Variants in KIF2C observed in about 807,000 individuals in gnomAD.
KIF2C encodes kinesin family member 2C.
In KIF2C, 34 loss-of-function variants were observed where a neutral mutation model predicts 97.4. The ratio of observed to expected loss-of-function variants is 0.35; its 90% CI spans 0.27 to 0.46. The LOEUF (loss-of-function observed/expected upper bound fraction) is 0.46. Ranked by LOEUF, KIF2C falls within the 20% of genes least tolerant of loss-of-function variation. The pLI is 1.00. For synonymous variants in KIF2C, 313 were observed against 318.2 expected (o/e 0.98, Z 0.17); for missense variants, 750 against 907.6 (o/e 0.83, Z 2.23).
intron 17 of KIF2C, 72 bp from the exon 18 acceptor site, chr1:44,762,274 T>TG (rs1396926930): frequency 7.3e-7 from 1 of 1,366,400 alleles, no homozygotes; most frequent in Admixed American, 1.7e-5. Context: ...CCTCGAAGCC[T>TG]GGGCGGTGCC....
In KIF2C at chr1:44,756,241, A is replaced by C. The variant is rs1169362942; in HGVS notation, c.977+4A>C. ...CTTCGAATGAAGTTGTCTACAGGTT[A>C]GTCCCTTGCATCCATTTTTCCCTCC... On this transcript the variant is annotated splice_donor_region_variant and intron_variant, in intron 10 of 20. Transcript: ENST00000372224. The C allele has an allele frequency of 1.2e-6, 2 of 1,613,238 alleles. No individual in the cohort carries two copies. The highest frequency in any genetic ancestry group is 1.7e-6 in the Non-Finnish European group (2 of 1,179,196).
Position 44,740,017 on chromosome 1 carries a change from C to T in KIF2C, c.70+15C>T. 1 of 1,614,120 alleles carries T rather than the reference C, an allele frequency of 6.2e-7. No individual in the cohort carries two copies. Among genetic ancestry groups the T allele is most frequent in the Middle Eastern group, 1.6e-4 (1 of 6,062 alleles). On this transcript the variant is annotated intron_variant, in intron 1 of 20. Coordinates refer to ENST00000372224, the MANE Select transcript of KIF2C (RefSeq NM_006845.4). ...ACGCAGTAATGGTGAGGAGCGGGGT[C>T]CCTAGGTCAAGGGGACTCGTGAGCG...
At chr1:44,743,693 A>G (rs942505403) in intron 2 of KIF2C, among the ~76,000 whole-genome samples, 1 of 152,110 alleles carries the variant, frequency 6.6e-6, no homozygotes, top group Admixed American at 6.5e-5. Flanking sequence ...TCCAGAGGCT[A>G]AGGCAGGAGG....
At position 44,747,376 on chromosome 1, in the gene KIF2C, C is replaced by G. The variant is rs754393950; in HGVS notation, c.166-8C>G. 5 of 1,598,920 alleles carry G rather than the reference C, an allele frequency of 3.1e-6. No homozygotes were observed. In the South Asian group the frequency reaches 4.5e-5, roughly 14 times the overall value. ...TGTTTCATTGAAACTTTTACTTGCT[C>G]CTTGCAGATTGATTTTGATGATGTG... On this transcript the variant is annotated splice_region_variant and splice_polypyrimidine_tract_variant and intron_variant, in intron 2 of 20. Transcript: ENST00000372224.
chr1:44,747,816 T>G (rs1470210706), intron 4 of KIF2C, 116 bp downstream of exon 4: 1 of 819,028 alleles, frequency 1.2e-6, no homozygotes. Flanking sequence ...GGTTGAGTCC[T>G]GCCTGTGTTC....
intron 19 of KIF2C, 104 bp from the exon 20 acceptor site, chr1:44,766,722 A>C: frequency 7.8e-7 from 1 of 1,274,416 alleles, no homozygotes; most frequent in Non-Finnish European, 1.1e-6. Flanking sequence ...GTCAGGGACC[A>C]GAGGTAAAGC....
At position 44,740,910 on chromosome 1, in the gene KIF2C, T is replaced by C. The variant is rs770274652; in HGVS notation, c.71-3T>C. The C allele has an allele frequency of 1.1e-5, 17 of 1,607,850 alleles. No homozygotes were observed. The Middle Eastern group carries it at 1.2e-3, about 109-fold the overall frequency. ...GTAACTCTGGTTTTTTCATACTTTATAGGTTTAATTCACAGTGCCAATGTA... is the reference window on the plus strand; with the variant it reads ...GTAACTCTGGTTTTTTCATACTTTACAGGTTTAATTCACAGTGCCAATGTA... On this transcript the variant is annotated splice_polypyrimidine_tract_variant and splice_region_variant and intron_variant, in intron 1 of 20. Transcript: ENST00000372224.
At chr1:44,763,704 G>A (rs893344551) in intron 19 of KIF2C, among the ~76,000 whole-genome samples, 1 of 152,086 alleles carries the variant, frequency 6.6e-6, no homozygotes. Context: ...AAAAGCAAAG[G>A]TAGAGGCAGT....
intron 13 of KIF2C, among the ~76,000 whole-genome samples, chr1:44,758,806 G>GC (rs1649981874): frequency 6.6e-6 from 1 of 152,126 alleles, no homozygotes. Flanking sequence ...AATCCAGGAG[G>GC]CAGAGGTTGC....
intron 19 of KIF2C, among the ~76,000 whole-genome samples, chr1:44,765,457 A>C (rs1319418658): frequency 1.4e-5 from 2 of 143,448 alleles, no homozygotes; most frequent in Non-Finnish European, 3.0e-5. Flanking sequence ...TTAAAGTATA[A>C]TAATAAAAAA....
chr1:44,750,565 G>T lies in KIF2C; in HGVS notation c.439+1G>T, dbSNP rs1445956653. The T allele has an allele frequency of 1.3e-6, 2 of 1,539,926 alleles. No homozygotes were observed. The highest frequency in any genetic ancestry group is 2.4e-5 in the East Asian group (1 of 41,842). On this transcript the variant is annotated splice_donor_variant, in intron 5 of 20. Transcript: ENST00000372224. LOFTEE classifies it high-confidence loss of function. ...TCCCGCAAGCAGTTTTCAGTTCCTC[G>T]TGAGTAACGAATGTGCCCCCAACCA...
intron 1 of KIF2C, 81 bp from the exon 2 acceptor site, chr1:44,740,832 A>G (rs1490285230): frequency 8.5e-6 from 6 of 704,330 alleles, no homozygotes; most frequent in Non-Finnish European, 4.5e-6. Flanking sequence ...GGTTAACTCC[A>G]CTTTGGGAAT....
intron 5 of KIF2C, among the ~76,000 whole-genome samples, chr1:44,751,166 CT>C (rs1649488429): frequency 6.7e-6 from 1 of 150,070 alleles, no homozygotes; most frequent in African/African-American, 2.5e-5. Context: ...CATTAATTAG[CT>C]TTTTTTCTTT....
intron 10 of KIF2C, among the ~76,000 whole-genome samples, chr1:44,756,544 CTTTTTTT>C (rs67641740): frequency 1.5e-5 from 1 of 65,242 alleles, no homozygotes; most frequent in Non-Finnish European, 2.6e-5. Flanking sequence ...GCTCTATCTG[CTTTTTTT>C]TTTTTTTTTT....
chr1:44,746,396 G>C (rs1023626935), intron 2 of KIF2C: 14 of 1,104,242 alleles, frequency 1.3e-5, no homozygotes, highest in Admixed American at 5.0e-5. Context: ...AAATAGGTAA[G>C]GCATGGGCAG....
intron 13 of KIF2C, 123 bp from the exon 14 acceptor site, chr1:44,759,083 T>C: frequency 2.4e-6 from 3 of 1,242,682 alleles, no homozygotes; most frequent in Non-Finnish European, 3.4e-6. Context: ...ATCCATCAGT[T>C]CGTATTCTCT....
chr1:44,758,195 C>T, intron 13 of KIF2C, 55 bp downstream of exon 13: 1 of 1,524,568 alleles, frequency 6.6e-7, no homozygotes. Flanking sequence ...CTTTTTAAAA[C>T]CTTGAAGCTG....
chr1:44,756,069 C>T lies in KIF2C; in HGVS notation c.815-6C>T. 1 of 1,614,218 alleles carries T rather than the reference C, an allele frequency of 6.2e-7. No homozygotes were observed. On this transcript the variant is annotated splice_region_variant and splice_polypyrimidine_tract_variant and intron_variant, in intron 9 of 20. Coordinates refer to ENST00000372224, the MANE Select transcript of KIF2C (RefSeq NM_006845.4). ...GAGCACCCCCTGAAATACTCTCCTT[C>T]TGCAGAATTGGCCAAGAAAGAAATT...
intron 11 of KIF2C, 31 bp from the exon 12 acceptor site, chr1:44,757,877 T>C: frequency 6.2e-7 from 1 of 1,609,890 alleles, no homozygotes; most frequent in Non-Finnish European, 8.5e-7. Context: ...AACAGCCCTT[T>C]TCCATGGTCT....
Sources: gnomAD v4.1 joint callset for allele counts (sites outside exome capture counted in the v4.1 genomes callset) on GRCh38, gnomAD v4.1.1 for gene constraint, MANE v1.5 for transcripts, NCBI Gene and HGNC (gene_info 2026-07-23, HGNC 2026-07-21) for gene names.